The following CAST variants were observed in gnomAD, a reference collection of about 807,000 sequenced individuals.
CAST encodes MIR583 host.
Under a neutral mutation model 119.6 loss-of-function variants are expected in CAST, and 76 were observed. The ratio of observed to expected loss-of-function variants is 0.64; its 90% CI spans 0.53 to 0.77. The LOEUF (loss-of-function observed/expected upper bound fraction) is 0.77, where lower values mean the gene tolerates loss of function less well. Among genes scored for constraint, CAST ranks in the 30% least tolerant of loss-of-function variants. The pLI, the probability that CAST is intolerant of heterozygous loss-of-function variation, is 0.00. For synonymous variants in CAST, 319 were observed against 331.6 expected (o/e 0.96, Z 0.41); for missense variants, 953 against 946.5 (o/e 1.01, Z -0.09).
the CAST span, among the ~76,000 whole-genome samples, chr5:96,225,118 T>A: frequency 6.6e-6 from 1 of 151,880 alleles, no homozygotes; most frequent in African/African-American, 2.4e-5. Context: ...ATCACATATG[T>A]GGAATCAAAT....
the CAST span, among the ~76,000 whole-genome samples, chr5:96,328,272 G>A: frequency 6.6e-6 from 1 of 152,054 alleles, no homozygotes; most frequent in Non-Finnish European, 1.5e-5. Context: ...AGAAGGCCTG[G>A]ATGAGTGTTT....
chr5:96,310,159 C>G, the CAST span, among the ~76,000 whole-genome samples: 2 of 152,170 alleles, frequency 1.3e-5, no homozygotes, highest in Non-Finnish European at 2.9e-5. Context: ...AAAATCTTGT[C>G]AAATGACTCC....
At chr5:96,473,747 G>T in the CAST span, among the ~76,000 whole-genome samples, 1 of 152,212 alleles carries the variant, frequency 6.6e-6, no homozygotes, top group Non-Finnish European at 1.5e-5. Context: ...GAGAGACTTA[G>T]GAGGTGAGTA....
the CAST span, among the ~76,000 whole-genome samples, chr5:96,053,172 T>A: frequency 6.6e-6 from 1 of 152,210 alleles, no homozygotes; most frequent in African/African-American, 2.4e-5. Flanking sequence ...TGGCTATACA[T>A]TGGAAACTCC....
chr5:96,164,218 C>T, the CAST span, among the ~76,000 whole-genome samples: 5 of 152,090 alleles, frequency 3.3e-5, no homozygotes, highest in African/African-American at 9.7e-5. Context: ...CATTTATATA[C>T]AAGGTATGTT....
chr5:96,293,113 C>T, the CAST span, among the ~76,000 whole-genome samples: 2 of 152,176 alleles, frequency 1.3e-5, no homozygotes, highest in African/African-American at 4.8e-5. Flanking sequence ...CCTCCATTCA[C>T]ATGATCTAGA....
chr5:96,544,524 C>T lies in CAST; in HGVS notation c.60+14644C>T, dbSNP rs78219758. Among the ~76,000 whole-genome samples the T allele has an allele frequency of 3.7e-4, 57 of 152,066 alleles. 1 individual carries two copies. The highest frequency in any genetic ancestry group is 7.9e-4 in the Non-Finnish European group (54 of 67,990). ...TCTGAGAACAAGTACAGTTCCTGTACTATCTGTGAAGTGGTATAGTGTTAT... is the reference window on the plus strand; with the variant it reads ...TCTGAGAACAAGTACAGTTCCTGTATTATCTGTGAAGTGGTATAGTGTTAT... On this transcript the variant is annotated intron_variant, in intron 1 of 11. Coordinates refer to the CAST transcript ENST00000505143.
At chr5:96,366,916 A>G in the CAST span, among the ~76,000 whole-genome samples, 1 of 151,972 alleles carries the variant, frequency 6.6e-6, no homozygotes, top group Non-Finnish European at 1.5e-5. Flanking sequence ...GATTTTTAGA[A>G]TTTTCAGTTT....
chr5:96,380,925 C>T, the CAST span, among the ~76,000 whole-genome samples: 103 of 151,914 alleles, frequency 6.8e-4, no homozygotes, highest in African/African-American at 2.4e-3. Flanking sequence ...TTAGGAGAGC[C>T]GAAAAAGTTT....
chr5:96,754,537 C>T (rs1005753307), intron 21 of CAST, 121 bp from the exon 22 acceptor site: 10 of 671,452 alleles, frequency 1.5e-5, no homozygotes, highest in African/African-American at 9.0e-5. Flanking sequence ...ACTAAGCATA[C>T]GGTCATATGT....
At chr5:96,183,454 AAAGAT>A in the CAST span, among the ~76,000 whole-genome samples, 7 of 152,126 alleles carry the variant, frequency 4.6e-5, no homozygotes, top group African/African-American at 1.7e-4. Context: ...TCCAAGTAGA[AAAGAT>A]CTTAAGAAAA....
intron 22 of CAST, 106 bp downstream of exon 22, chr5:96,754,847 T>C (rs370765702): frequency 6.8e-5 from 48 of 704,846 alleles, no homozygotes; most frequent in East Asian, 2.6e-4. Flanking sequence ...TCTTGTTTCT[T>C]CATATTTCAA....
At chr5:96,312,613 T>G in the CAST span, among the ~76,000 whole-genome samples, 1 of 152,110 alleles carries the variant, frequency 6.6e-6, no homozygotes, top group African/African-American at 2.4e-5. Context: ...TACTTAGTGT[T>G]AGTAGTTTGA....
At position 96,602,879 on chromosome 5, in the gene CAST, A is replaced by C. The variant is rs971604514; in HGVS notation, c.61-72660A>C. Among the ~76,000 whole-genome samples, 3 of 152,232 alleles carry C rather than the reference A, an allele frequency of 2.0e-5. No homozygotes were observed. In the East Asian group the frequency reaches 5.8e-4, roughly 29 times the overall value. Reference sequence around the variant, plus strand: ...AGACTCAAATACGGAGAATATTCCAAATATAAAAATAGCTAGAATAAGTCA... The same window carrying C: ...AGACTCAAATACGGAGAATATTCCACATATAAAAATAGCTAGAATAAGTCA... On this transcript the variant is annotated intron_variant, in intron 1 of 11. Transcript: ENST00000505143.
At chr5:96,708,375 T>C (rs925373081) in intron 3 of CAST, among the ~76,000 whole-genome samples, 4 of 152,230 alleles carry the variant, frequency 2.6e-5, no homozygotes, top group Middle Eastern at 3.2e-3. Context: ...TAAGTCTCTA[T>C]GCAGTTATGT....
chr5:96,184,419 T>G, the CAST span, among the ~76,000 whole-genome samples: 1 of 152,188 alleles, frequency 6.6e-6, no homozygotes, highest in African/African-American at 2.4e-5. Context: ...TATAGGTAAG[T>G]TCGTGCCACG....
the CAST span, among the ~76,000 whole-genome samples, chr5:96,165,966 ATCCATTTCATTAATCATTAT>A: frequency 1.4e-5 from 1 of 72,032 alleles, no homozygotes; most frequent in Non-Finnish European, 3.4e-5. Context: ...CATTTTCATT[ATCCATTTCATTAATCATTAT>A]CCATTATTAA....
chr5:96,470,346 C>T, the CAST span, among the ~76,000 whole-genome samples: 1 of 151,844 alleles, frequency 6.6e-6, no homozygotes, highest in Admixed American at 6.6e-5. Flanking sequence ...ACAATATTGC[C>T]AATGCACATA....
intron 30 of CAST, among the ~76,000 whole-genome samples, chr5:96,770,873 C>G (rs991866410): frequency 6.6e-6 from 1 of 152,082 alleles, no homozygotes; most frequent in Non-Finnish European, 1.5e-5. Flanking sequence ...AATTAAAATA[C>G]CACCATAGTA....
Sources: gnomAD v4.1 joint callset for allele counts (sites outside exome capture counted in the v4.1 genomes callset) on GRCh38, gnomAD v4.1.1 for gene constraint, MANE v1.5 for transcripts, NCBI Gene and HGNC (gene_info 2026-07-23, HGNC 2026-07-21) for gene names.